The following FANCI variants were observed in gnomAD, a reference collection of about 807,000 sequenced individuals.
FANCI encodes Fanconi anemia group I protein.
A neutral mutation model predicts 176.1 loss-of-function variants in FANCI; 156 were observed. The ratio of observed to expected loss-of-function variants is 0.89; its 90% CI spans 0.78 to 1.01. The LOEUF (loss-of-function observed/expected upper bound fraction) is 1.01, where lower values mean the gene tolerates loss of function less well. FANCI is among the 50% of genes least tolerant of loss of function. The probability of loss-of-function intolerance (pLI) is 0.00; values close to 1 mark genes in which losing one functional copy is unlikely to be tolerated. For synonymous variants in FANCI, 613 were observed against 541.7 expected, an observed-to-expected ratio of 1.13 and a Z score of -1.83; for missense variants, 1,678 against 1,534.1, an observed-to-expected ratio of 1.09 and a Z score of -1.57.
intron 35 of FANCI, among the ~76,000 whole-genome samples, chr15:89,314,169 TA>T (rs1422458106): frequency 5.6e-5 from 8 of 142,706 alleles, no homozygotes; most frequent in South Asian, 2.2e-4. Flanking sequence ...GACCTTTCGT[TA>T]GGGGGAAAGA....
At position 89,316,644 on chromosome 15, in the gene FANCI, CCT is replaced by C; in HGVS notation, c.*186_*187del. On this transcript the variant is annotated 3_prime_UTR_variant, in exon 38 of 38. Coordinates refer to ENST00000310775, the MANE Select transcript of FANCI (RefSeq NM_001113378.2). ...GGTCCTGCTACTGAAAAATGGCTGG[CCT>C]TAGGCAAGCCCTTTTGCAAAAAGCA... 1 of 1,185,490 alleles carries C rather than the reference CCT, an allele frequency of 8.4e-7. No individual in the cohort carries two copies. Among genetic ancestry groups the C allele is most frequent in the African/African-American group, 1.5e-5 (1 of 66,384 alleles). 73.4% of individuals were successfully genotyped at this position (1,185,490 alleles called of 1,614,324 possible). A position where few individuals can be genotyped will look rare whatever the true frequency, so the allele number is the denominator to read the frequency against.
chr15:89,288,760 C>A (rs2053931630), intron 18 of FANCI, among the ~76,000 whole-genome samples: 1 of 151,584 alleles, frequency 6.6e-6, no homozygotes. Context: ...ACGATTGGGA[C>A]CATAGGCACA....
rs116740469 is a variant in FANCI, at chr15:89,269,127, C to T, written c.882+602C>T. Among the ~76,000 whole-genome samples, 641 of 152,232 alleles carry T rather than the reference C, an allele frequency of 4.2e-3. 3 individuals carry two copies. Among genetic ancestry groups the T allele is most frequent in the African/African-American group, 0.015 (616 of 41,526 alleles). ...CATAGCGTGAAGAACACCTATGTTC[C>T]CTTCACCTAGATTGACCAATTATTA... On this transcript the variant is annotated intron_variant, in intron 10 of 37. Coordinates refer to ENST00000310775, the MANE Select transcript of FANCI (RefSeq NM_001113378.2).
At position 89,307,461 on chromosome 15, in the gene FANCI, A is replaced by G; in HGVS notation, c.3538-15A>G. The G allele has an allele frequency of 6.2e-7, 1 of 1,612,532 alleles. No homozygotes were observed. The highest frequency in any genetic ancestry group is 8.5e-7 in the Non-Finnish European group (1 of 1,178,922). ...ATAGGACAGTCTACTAAATCTAGGA[A>G]TCTTTTTTTATTAGTATCTCCAGGT... On this transcript the variant is annotated splice_polypyrimidine_tract_variant and intron_variant, in intron 32 of 37. Coordinates refer to ENST00000310775, the MANE Select transcript of FANCI (RefSeq NM_001113378.2).
chr15:89,299,070 A>G, intron 24 of FANCI, among the ~76,000 whole-genome samples: 1 of 151,844 alleles, frequency 6.6e-6, no homozygotes. Context: ...GCTACTCAGG[A>G]AGCTGAGGCA....
At chr15:89,274,415 T>G in intron 12 of FANCI, 111 bp downstream of exon 12, 1 of 1,196,306 alleles carries the variant, frequency 8.4e-7, no homozygotes, top group South Asian at 1.3e-5. Context: ...TTAACAGCTG[T>G]TGACGTCACA....
At chr15:89,313,698 C>A (rs953607432) in intron 35 of FANCI, among the ~76,000 whole-genome samples, 3 of 152,050 alleles carry the variant, frequency 2.0e-5, no homozygotes, top group Non-Finnish European at 4.4e-5. Flanking sequence ...GGCCTGTGTA[C>A]AGGATGGTCC....
At chr15:89,298,596 G>C (rs1050462004) in intron 24 of FANCI, among the ~76,000 whole-genome samples, 4 of 151,844 alleles carry the variant, frequency 2.6e-5, no homozygotes, top group Non-Finnish European at 1.5e-5. Flanking sequence ...GTAATCAGAA[G>C]GAAGGAAATA....
intron 19 of FANCI, 162 bp downstream of exon 19, chr15:89,290,443 T>C: frequency 1.5e-6 from 1 of 646,690 alleles, no homozygotes; most frequent in African/African-American, 1.8e-5. Flanking sequence ...TTGTCTTATC[T>C]CGGTCACCAC....
chr15:89,255,952 A>G (rs969730270), intron 2 of FANCI, among the ~76,000 whole-genome samples: 2 of 152,238 alleles, frequency 1.3e-5, no homozygotes, highest in Non-Finnish European at 2.9e-5. Context: ...CCTTTATCTC[A>G]GTCCTTTGAG....
chr15:89,274,152 A>T lies in FANCI; in HGVS notation c.976-16A>T. On this transcript the variant is annotated splice_polypyrimidine_tract_variant and intron_variant, in intron 11 of 37. Transcript: ENST00000310775. Reference sequence around the variant, plus strand: ...TTTATTTATTTTTTCATTTATTTTTATTAACTATACTCAAGGTGCTTGATC... The same window carrying T: ...TTTATTTATTTTTTCATTTATTTTTTTTAACTATACTCAAGGTGCTTGATC... 6.6e-7 allele frequency: 1 copy of T among 1,516,896 alleles called. No homozygotes were observed. The highest frequency in any genetic ancestry group is 8.9e-7 in the Non-Finnish European group (1 of 1,123,124). The allele number at this position is 1,516,896 out of a possible 1,614,324, so 94.0% of individuals were successfully genotyped here. A position where few individuals can be genotyped will look rare whatever the true frequency, so the allele number is the denominator to read the frequency against.
At chr15:89,290,078 T>G in intron 18 of FANCI, 135 bp from the exon 19 acceptor site, 1 of 740,326 alleles carries the variant, frequency 1.4e-6, no homozygotes, top group Non-Finnish European at 2.4e-6. Context: ...ATTAGGGCAT[T>G]TAGGACTGTC....
Position 89,280,007 on chromosome 15 carries a change from A to AT in FANCI, c.1382-1163_1382-1162insT, listed in dbSNP as rs1159536820. On this transcript the variant is annotated intron_variant, in intron 14 of 37. Transcript: ENST00000310775. ...CAGAATCATCAATATGTTCTTTAGT[A>AT]AATTGTCAGCTCTTTTTGTTTGTTT... Among the ~76,000 whole-genome samples, 399 of 152,222 alleles carry AT rather than the reference A, an allele frequency of 2.6e-3. 8 individuals carry two copies. Among genetic ancestry groups the AT allele is most frequent in the East Asian group, 0.015 (76 of 5,180 alleles).
intron 3 of FANCI, 117 bp downstream of exon 3, chr15:89,258,893 A>G (rs1345907878): frequency 1.2e-6 from 1 of 803,306 alleles, no homozygotes; most frequent in Non-Finnish European, 2.1e-6. Context: ...TGTTTTGAGG[A>G]TTCTACAGAA....
intron 4 of FANCI, 72 bp downstream of exon 4, chr15:89,260,915 A>G: frequency 1.9e-6 from 3 of 1,575,206 alleles, no homozygotes; most frequent in Non-Finnish European, 2.6e-6. Context: ...AGGGAAGGAA[A>G]ACTTAAGTGC....
In FANCI at chr15:89,281,439, A is replaced by G; in HGVS notation, c.1512+139A>G. The G allele has an allele frequency of 9.4e-6, 10 of 1,068,688 alleles. No individual in the cohort carries two copies. In the South Asian group the frequency reaches 1.1e-4, roughly 11 times the overall value. 66.2% of individuals were successfully genotyped at this position (1,068,688 alleles called of 1,614,324 possible). ...TCTGAAACATAAAATTTGCATTAAA[A>G]GGGCAAGAGCATTGAGCAAGACTGT... On this transcript the variant is annotated intron_variant, in intron 15 of 37. Transcript: ENST00000310775.
rs375029249 is a variant in FANCI at position 89,314,571 on chromosome 15, C to A, written c.3721-41C>A. 189 of 1,481,098 alleles carry A rather than the reference C, an allele frequency of 1.3e-4. 1 individual carries two copies. The highest frequency in any genetic ancestry group is 6.8e-4 in the South Asian group (60 of 88,336). The allele number at this position is 1,481,098 out of a possible 1,614,324, so 91.7% of individuals were successfully genotyped here. The stretch of plus-strand genomic sequence containing the variant: ...AGCTTCAGAGGAAAACTTCAAAAAC[C>A]ATTGAACCTGAAATTTAAGTCTTAT... On this transcript the variant is annotated intron_variant, in intron 35 of 37. Coordinates refer to ENST00000310775, the MANE Select transcript of FANCI (RefSeq NM_001113378.2).
chr15:89,283,892 A>G (rs1596289760), intron 17 of FANCI, among the ~76,000 whole-genome samples: 1 of 151,758 alleles, frequency 6.6e-6, no homozygotes, highest in East Asian at 1.9e-4. Flanking sequence ...CCTCCCGAGT[A>G]GCTGGGACTA....
rs137886840 is a variant in FANCI, at chr15:89,303,904, A to C, written c.3047A>C (p.Glu1016Ala). The C allele has an allele frequency of 6.2e-7, 1 of 1,614,054 alleles. No individual in the cohort carries two copies. Among genetic ancestry groups the C allele is most frequent in the Non-Finnish European group, 8.5e-7 (1 of 1,179,916 alleles). Residue 1016 changes from glutamate to alanine, a missense_variant, in exon 28 of 38, where the codon GAA (glutamate) becomes GCA (alanine). Around this residue, in one of 3 missense-constraint regions of FANCI, gnomAD observed 1,204 missense variants for 1,077.4 expected, o/e 1.12. Coordinates refer to ENST00000310775, the MANE Select transcript of FANCI (RefSeq NM_001113378.2). ...MLSWTSKICK[E>A]NSREDALFCK... ...TCCTGGACATCAAAGATTTGCAAGG[A>C]AAACAGCCGGGGTAAGTTTACTGCC...
Sources: gnomAD v4.1 joint callset for allele counts (sites outside exome capture counted in the v4.1 genomes callset) on GRCh38, gnomAD v4.1.1 for gene constraint, gnomAD v4.1.1 regional missense constraint, MANE v1.5 for transcripts, NCBI Gene and HGNC (gene_info 2026-07-23, HGNC 2026-07-21) for gene names.